OPRM1: variants seen among roughly 807,000 people sequenced by gnomAD.
The protein encoded by OPRM1 is opioid receptor mu 1.
OPRM1 carries 27 observed loss-of-function variants against 31.8 expected under a neutral mutation model. That is an observed-to-expected ratio of 0.85 (90% CI 0.63 to 1.17). The LOEUF is 1.17. OPRM1 is among the 50% of genes most tolerant of loss of function. The probability of loss-of-function intolerance (pLI) is 0.00; values close to 1 mark genes in which losing one functional copy is unlikely to be tolerated. For synonymous variants in OPRM1, 196 were observed against 189.9 expected (o/e 1.03, Z -0.26); for missense variants, 536 against 511.1 (o/e 1.05, Z -0.47).
At chr6:154,149,572 A>AGCC (rs947888228) in intron 3 of OPRM1, among the ~76,000 whole-genome samples, 2 of 151,590 alleles carry the variant, frequency 1.3e-5, no homozygotes, top group African/African-American at 4.9e-5. Flanking sequence ...AGCTGACCTC[A>AGCC]GCCTTCTGCA....
upstream of OPRM1, among the ~76,000 whole-genome samples, chr6:154,038,109 C>T (rs1779426117): frequency 6.6e-6 from 1 of 151,940 alleles, no homozygotes; most frequent in African/African-American, 2.4e-5. Flanking sequence ...TAGAGTTTAC[C>T]TATGAGTTAT....
intron 3 of OPRM1, among the ~76,000 whole-genome samples, chr6:154,172,872 C>A (rs956687225): frequency 6.6e-6 from 1 of 152,222 alleles, no homozygotes; most frequent in African/African-American, 2.4e-5. Context: ...GGGTCCCTGA[C>A]CCTCATGTAG....
intron 3 of OPRM1, among the ~76,000 whole-genome samples, chr6:154,152,335 G>GAA (rs762104143): frequency 7.3e-4 from 25 of 34,014 alleles, no homozygotes; most frequent in African/African-American, 2.5e-3. Flanking sequence ...AAGAAAGAAA[G>GAA]AAAGAAAGAA....
chr6:154,221,644 CGG>C lies in OPRM1; in HGVS notation c.1165-25047_1165-25046del, dbSNP rs541470482. Among the ~76,000 whole-genome samples the C allele has an allele frequency of 3.0e-3, 463 of 152,066 alleles. 1 individual carries two copies. Among genetic ancestry groups the C allele is most frequent in the African/African-American group, 0.01 (426 of 41,472 alleles). ...ATCCTAGCACTTTGGGAGGCCGAGG[CGG>C]GCAGATCACGAGGTCAGGAGATCGA... On this transcript the variant is annotated intron_variant, in intron 3 of 3. Transcript: ENST00000337049.
At chr6:154,158,513 A>G (rs1432594476) in intron 3 of OPRM1, 2 of 152,222 alleles carry the variant, frequency 1.3e-5, no homozygotes, top group East Asian at 3.8e-4. Flanking sequence ...CTAAGATGAA[A>G]GTCCTTTGCT....
intron 3 of OPRM1, among the ~76,000 whole-genome samples, chr6:154,232,747 C>G (rs1341728038): frequency 6.6e-6 from 1 of 152,100 alleles, no homozygotes; most frequent in East Asian, 1.9e-4. Context: ...CTTAACCTCT[C>G]TGAGTCACTG....
At chr6:154,110,818 C>T (rs1583592950) in intron 3 of OPRM1, among the ~76,000 whole-genome samples, 1 of 135,318 alleles carries the variant, frequency 7.4e-6, no homozygotes, top group East Asian at 2.5e-4. Context: ...ACCCGTGAGG[C>T]GGAGCTTGCA....
chr6:154,037,566 A>T (rs1177596908), upstream of OPRM1, among the ~76,000 whole-genome samples: 1 of 152,120 alleles, frequency 6.6e-6, no homozygotes, highest in African/African-American at 2.4e-5. Flanking sequence ...TCAGAACTAC[A>T]TCTTATAAGA....
chr6:154,133,207 G>T (rs1198753559), downstream of OPRM1, among the ~76,000 whole-genome samples: 1 of 151,980 alleles, frequency 6.6e-6, no homozygotes, highest in Admixed American at 6.6e-5. Flanking sequence ...TATTTACAAG[G>T]GCCTTTTGAA....
rs986036928 is a variant in OPRM1 at position 154,129,674 on chromosome 6, A to G, written c.*10953A>G. On this transcript the variant is annotated 3_prime_UTR_variant, in exon 4 of 4. Coordinates refer to ENST00000330432, the MANE Select transcript of OPRM1 (RefSeq NM_000914.5). Reference sequence around the variant, plus strand: ...ATAGTTCTATATCTATTCTTGAAACATATTTCTTTAGTTCAAGGTCTGATG... The same window carrying G: ...ATAGTTCTATATCTATTCTTGAAACGTATTTCTTTAGTTCAAGGTCTGATG... Among the ~76,000 whole-genome samples the G allele has an allele frequency of 6.6e-6, 1 of 152,110 alleles. No homozygotes were observed. The highest frequency in any genetic ancestry group is 1.5e-5 in the Non-Finnish European group (1 of 68,006).
At chr6:154,111,986 C>T (rs1024437471) in intron 3 of OPRM1, among the ~76,000 whole-genome samples, 7 of 152,090 alleles carry the variant, frequency 4.6e-5, no homozygotes, top group Admixed American at 1.3e-4. Context: ...AGGATGGTCT[C>T]GATCTCCTGA....
intron 3 of OPRM1, among the ~76,000 whole-genome samples, chr6:154,184,650 A>T (rs560554425): frequency 2.0e-4 from 31 of 152,302 alleles, no homozygotes; most frequent in African/African-American, 7.2e-4. Flanking sequence ...CCTATAACAG[A>T]TATTACCAAT....
At chr6:154,242,341 T>C (rs1280076786) in intron 3 of OPRM1, among the ~76,000 whole-genome samples, 1 of 152,240 alleles carries the variant, frequency 6.6e-6, no homozygotes, top group Admixed American at 6.5e-5. Flanking sequence ...CCTGGAAAAC[T>C]ATTTTCTGTC....
chr6:154,085,888 C>CTTTTTTTTTTTTTTTTTT (rs779654564), intron 1 of OPRM1, among the ~76,000 whole-genome samples: 6 of 123,942 alleles, frequency 4.8e-5, no homozygotes, highest in African/African-American at 6.6e-5. Context: ...AAAGCTTGCC[C>CTTTTTTTTTTTTTTTTTT]TTTTTTTTTT....
downstream of OPRM1, among the ~76,000 whole-genome samples, chr6:154,135,500 G>T (rs886653546): frequency 6.7e-5 from 10 of 149,818 alleles, no homozygotes; most frequent in African/African-American, 2.5e-4. Flanking sequence ...TATAGATATA[G>T]ATATAGATAT....
chr6:154,213,607 C>G (rs370849815), intron 3 of OPRM1, among the ~76,000 whole-genome samples: 3 of 152,108 alleles, frequency 2.0e-5, no homozygotes, highest in Non-Finnish European at 4.4e-5. Context: ...ATTTCCAAGG[C>G]CTTTTGTGGT....
chr6:154,140,622 G>T (rs1462903066), intron 3 of OPRM1, among the ~76,000 whole-genome samples: 1 of 152,066 alleles, frequency 6.6e-6, no homozygotes, highest in Non-Finnish European at 1.5e-5. Flanking sequence ...GAGCAGCCCC[G>T]CCTGGCCTTA....
intron 3 of OPRM1, among the ~76,000 whole-genome samples, chr6:154,146,706 T>C (rs1798367089): frequency 6.6e-6 from 1 of 152,124 alleles, no homozygotes; most frequent in Non-Finnish European, 1.5e-5. Context: ...AATATCATCC[T>C]TAATATGCTG....
chr6:154,130,420 G>A lies in OPRM1; in HGVS notation c.*11699G>A, dbSNP rs1051905604. 1.3e-4 allele frequency among the ~76,000 whole-genome samples: 19 copies of A among 151,814 alleles called. No homozygotes were observed. Among genetic ancestry groups the A allele is most frequent in the African/African-American group, 2.2e-4 (9 of 41,354 alleles). On this transcript the variant is annotated 3_prime_UTR_variant, in exon 4 of 4. Coordinates refer to ENST00000330432, the MANE Select transcript of OPRM1 (RefSeq NM_000914.5). ...CCTGACCTCGTGATCTGCCTGCCTC[G>A]GCCTCCCAAAGTGTTGGGATTACAG...
Sources: gnomAD v4.1 joint callset for allele counts (sites outside exome capture counted in the v4.1 genomes callset) on GRCh38, gnomAD v4.1.1 for gene constraint, MANE v1.5 for transcripts, NCBI Gene and HGNC (gene_info 2026-07-23, HGNC 2026-07-21) for gene names.